The following TSPAN18 variants were observed in gnomAD, a reference collection of about 807,000 sequenced individuals.
TSPAN18 encodes tetraspanin 18.
TSPAN18 carries 14 observed loss-of-function variants against 27.3 expected under a neutral mutation model. The observed-to-expected ratio is 0.51, with a 90% confidence interval of 0.34 to 0.80. The LOEUF (loss-of-function observed/expected upper bound fraction) is 0.80. Ranked by LOEUF, TSPAN18 falls within the 30% of genes least tolerant of loss-of-function variation. TSPAN18 has a pLI of 0.01. For missense variants in TSPAN18, 268 were observed against 323.9 expected (o/e 0.83, Z 1.32); for synonymous variants, 143 against 136.5 (o/e 1.05, Z -0.33).
chr11:44,732,788 G>T (rs918552393), intron 1 of TSPAN18, among the ~76,000 whole-genome samples: 2 of 152,158 alleles, frequency 1.3e-5, no homozygotes, highest in African/African-American at 4.8e-5. Flanking sequence ...CAATTTACTG[G>T]CTGTGTGGCC....
chr11:44,841,242 C>G (rs970469208), intron 2 of TSPAN18, among the ~76,000 whole-genome samples: 1 of 152,158 alleles, frequency 6.6e-6, no homozygotes, highest in Non-Finnish European at 1.5e-5. Flanking sequence ...TGTGGCCAGG[C>G]GTGGTGGCTC....
chr11:44,864,286 CAAA>C (rs34906166), intron 3 of TSPAN18, among the ~76,000 whole-genome samples: 2 of 92,100 alleles, frequency 2.2e-5, no homozygotes, highest in Non-Finnish European at 2.0e-5. Flanking sequence ...GACTCCGTCT[CAAA>C]AAAAAAAAAA....
chr11:44,840,415 T>A (rs1450972201), intron 2 of TSPAN18, among the ~76,000 whole-genome samples: 2 of 152,216 alleles, frequency 1.3e-5, no homozygotes, highest in Non-Finnish European at 2.9e-5. Context: ...TAAAGCTGTT[T>A]TGGCAGGTGA....
intron 2 of TSPAN18, among the ~76,000 whole-genome samples, chr11:44,805,134 C>G (rs1408027445): frequency 6.6e-6 from 1 of 152,202 alleles, no homozygotes; most frequent in African/African-American, 2.4e-5. Context: ...CGCTGCCCAG[C>G]AGAAACAGAG....
At chr11:44,778,964 C>T (rs1855875110) in intron 2 of TSPAN18, among the ~76,000 whole-genome samples, 1 of 152,126 alleles carries the variant, frequency 6.6e-6, no homozygotes, top group African/African-American at 2.4e-5. Flanking sequence ...GGGCATCCTC[C>T]CAGGATGGTT....
At chr11:44,850,753 A>T (rs1857581020) in intron 2 of TSPAN18, among the ~76,000 whole-genome samples, 1 of 152,028 alleles carries the variant, frequency 6.6e-6, no homozygotes, top group African/African-American at 2.4e-5. Context: ...ATTCAGCCCC[A>T]CTTATCCAGG....
chr11:44,727,746 G>A (rs1344715629), intron 1 of TSPAN18, among the ~76,000 whole-genome samples: 2 of 152,238 alleles, frequency 1.3e-5, no homozygotes, highest in Non-Finnish European at 2.9e-5. Context: ...GTGGGGCCCG[G>A]CAGCTGCATG....
chr11:44,864,487 C>T (rs1001899836), intron 3 of TSPAN18, among the ~76,000 whole-genome samples: 1 of 152,146 alleles, frequency 6.6e-6, no homozygotes, highest in Admixed American at 6.5e-5. Flanking sequence ...AGGGTCCCTG[C>T]TCTCGGCAGC....
At chr11:44,775,636 C>G (rs935516859) in intron 2 of TSPAN18, among the ~76,000 whole-genome samples, 1 of 152,102 alleles carries the variant, frequency 6.6e-6, no homozygotes, top group African/African-American at 2.4e-5. Context: ...TCTTGGGCCT[C>G]TGGGGCTGCT....
intron 1 of TSPAN18, among the ~76,000 whole-genome samples, chr11:44,750,067 T>G (rs1397718420): frequency 5.3e-5 from 8 of 152,202 alleles, no homozygotes; most frequent in African/African-American, 1.9e-4. Flanking sequence ...GGGGAACCCA[T>G]TTTGAAAACC....
intron 5 of TSPAN18, 113 bp from the exon 6 acceptor site, chr11:44,917,859 A>G: frequency 6.3e-6 from 6 of 955,614 alleles, no homozygotes; most frequent in Non-Finnish European, 9.8e-6. Flanking sequence ...CCTTAATCTT[A>G]CAAAATGAGT....
At chr11:44,831,931 G>A (rs1419485118) in intron 2 of TSPAN18, among the ~76,000 whole-genome samples, 2 of 152,142 alleles carry the variant, frequency 1.3e-5, no homozygotes, top group Non-Finnish European at 2.9e-5. Flanking sequence ...CAGGATAAGA[G>A]GTTCTAAGCA....
chr11:44,815,741 G>A (rs758074094), intron 2 of TSPAN18, among the ~76,000 whole-genome samples: 1 of 152,114 alleles, frequency 6.6e-6, no homozygotes, highest in African/African-American at 2.4e-5. Context: ...GGGAGGGTGC[G>A]GGAGACTTCA....
intron 2 of TSPAN18, among the ~76,000 whole-genome samples, chr11:44,790,167 A>ATG (rs770744679): frequency 7.2e-6 from 1 of 139,662 alleles, no homozygotes; most frequent in Non-Finnish European, 1.5e-5. Flanking sequence ...GTGTGTGTGC[A>ATG]TGTGTGTGTG....
Position 44,782,714 on chromosome 11 carries a change from G to A in TSPAN18, c.-153+18202G>A, listed in dbSNP as rs78783139. Among the ~76,000 whole-genome samples, 1,346 of 152,244 alleles carry A rather than the reference G, an allele frequency of 8.8e-3. 16 individuals carry two copies. Among genetic ancestry groups the A allele is most frequent in the African/African-American group, 0.029 (1,222 of 41,546 alleles). ...GAGTTTTAGACATTCTAATAGTTGC[G>A]TAACGGTATCGCATTCTGGTTTTAA... On this transcript the variant is annotated intron_variant, in intron 2 of 9. Coordinates refer to ENST00000520358, the MANE Select transcript of TSPAN18 (RefSeq NM_130783.5).
chr11:44,803,338 T>C (rs1856523008), intron 2 of TSPAN18, among the ~76,000 whole-genome samples: 1 of 146,396 alleles, frequency 6.8e-6, no homozygotes, highest in African/African-American at 2.5e-5. Flanking sequence ...AAAGCATGGG[T>C]TGGGGGGGCA....
At chr11:44,880,824 G>A (rs144547477) in intron 3 of TSPAN18, among the ~76,000 whole-genome samples, 221 of 152,362 alleles carry the variant, frequency 1.5e-3, no homozygotes, top group African/African-American at 5.0e-3. Flanking sequence ...TGATTCCTCC[G>A]TGAGAGCCCA....
intron 3 of TSPAN18, among the ~76,000 whole-genome samples, chr11:44,888,570 T>A (rs1858737904): frequency 6.6e-6 from 1 of 151,996 alleles, no homozygotes. Flanking sequence ...GAGTCCAGAG[T>A]CACCTTTCCC....
intron 2 of TSPAN18, among the ~76,000 whole-genome samples, chr11:44,846,521 G>A (rs557576836): frequency 6.6e-5 from 10 of 152,254 alleles, no homozygotes; most frequent in East Asian, 1.9e-4. Context: ...CTCGACAAAC[G>A]TCAAGTCTAA....
Sources: gnomAD v4.1 joint callset for allele counts (sites outside exome capture counted in the v4.1 genomes callset) on GRCh38, gnomAD v4.1.1 for gene constraint, MANE v1.5 for transcripts, NCBI Gene and HGNC (gene_info 2026-07-23, HGNC 2026-07-21) for gene names.